Variants in PCCA observed in about 807,000 individuals in gnomAD.
The protein encoded by PCCA is propionyl-CoA carboxylase alpha chain, mitochondrial.
Under a neutral mutation model 101.3 loss-of-function variants are expected in PCCA, and 74 were observed. The ratio of observed to expected loss-of-function variants is 0.73; its 90% CI spans 0.61 to 0.89. The LOEUF (loss-of-function observed/expected upper bound fraction) is 0.89, where lower values mean the gene tolerates loss of function less well. PCCA is among the 40% of genes least tolerant of loss of function. The pLI, the probability that PCCA is intolerant of heterozygous loss-of-function variation, is 0.00. For synonymous variants in PCCA, 294 were observed against 313.6 expected (o/e 0.94, Z 0.66); for missense variants, 891 against 907.0 (o/e 0.98, Z 0.23).
intron 7 of PCCA, among the ~76,000 whole-genome samples, chr13:100,229,115 T>C (rs968893786): frequency 1.3e-5 from 2 of 152,076 alleles, no homozygotes; most frequent in Non-Finnish European, 2.9e-5. Flanking sequence ...ACTTAAAAAT[T>C]ATGGAGTAGA....
At chr13:100,362,786 C>G (rs767847949) in intron 18 of PCCA, among the ~76,000 whole-genome samples, 11 of 152,128 alleles carry the variant, frequency 7.2e-5, no homozygotes, top group Non-Finnish European at 1.2e-4. Context: ...TGGGGGTGTT[C>G]CCTGTTTCTC....
intron 1 of PCCA, among the ~76,000 whole-genome samples, chr13:100,097,894 T>C (rs2046918971): frequency 6.6e-6 from 1 of 152,070 alleles, no homozygotes. Flanking sequence ...CATGGTGACA[T>C]GCATCCATAG....
At chr13:100,507,285 A>C (rs986903026) in intron 21 of PCCA, among the ~76,000 whole-genome samples, 3 of 152,210 alleles carry the variant, frequency 2.0e-5, no homozygotes. Context: ...TGGCATATGC[A>C]CCTACTTGTT....
intron 6 of PCCA, among the ~76,000 whole-genome samples, chr13:100,171,297 C>G (rs1037141944): frequency 3.3e-5 from 5 of 152,088 alleles, no homozygotes; most frequent in Non-Finnish European, 5.9e-5. Context: ...CATGTATAAG[C>G]CAAAGCTCCT....
At chr13:100,111,465 C>G (rs2048316924) in intron 2 of PCCA, among the ~76,000 whole-genome samples, 1 of 152,000 alleles carries the variant, frequency 6.6e-6, no homozygotes, top group South Asian at 2.1e-4. Flanking sequence ...CCGGGCTTGA[C>G]CAAAGTCTTT....
At chr13:100,271,468 A>G (rs2063311123) in intron 11 of PCCA, among the ~76,000 whole-genome samples, 1 of 152,114 alleles carries the variant, frequency 6.6e-6, no homozygotes, top group African/African-American at 2.4e-5. Flanking sequence ...GAAATGTAAT[A>G]TGAATGTTAA....
intron 21 of PCCA, among the ~76,000 whole-genome samples, chr13:100,475,451 G>A (rs1057417460): frequency 6.6e-6 from 1 of 152,042 alleles, no homozygotes. Flanking sequence ...CTTACATACT[G>A]GTATCCACAT....
chr13:100,411,474 T>C lies in PCCA; in HGVS notation c.1747-14159T>C, dbSNP rs532791925. Among the ~76,000 whole-genome samples the C allele has an allele frequency of 7.2e-5, 11 of 152,312 alleles. No homozygotes were observed. In the South Asian group the frequency reaches 2.3e-3, roughly 32 times the overall value. ...GATGCTGAAAAAAGCACAACATTACTTCTGTGGTATTCCAGATAAAAATAC... is the reference window on the plus strand; with the variant it reads ...GATGCTGAAAAAAGCACAACATTACCTCTGTGGTATTCCAGATAAAAATAC... On this transcript the variant is annotated intron_variant, in intron 19 of 23. Transcript: ENST00000376285.
At chr13:100,102,427 G>A (rs2047362475) in intron 1 of PCCA, among the ~76,000 whole-genome samples, 1 of 152,164 alleles carries the variant, frequency 6.6e-6, no homozygotes, top group Non-Finnish European at 1.5e-5. Flanking sequence ...AACCACTTCT[G>A]TACCAGAAAA....
chr13:100,202,658 G>C (rs1441289409), intron 6 of PCCA, among the ~76,000 whole-genome samples: 2 of 148,690 alleles, frequency 1.3e-5, no homozygotes, highest in East Asian at 2.0e-4. Flanking sequence ...TTTTGCTTTG[G>C]TTCTCTTCAA....
At chr13:100,486,383 C>T (rs909755447) in intron 21 of PCCA, among the ~76,000 whole-genome samples, 1 of 152,222 alleles carries the variant, frequency 6.6e-6, no homozygotes, top group Non-Finnish European at 1.5e-5. Flanking sequence ...ATGTCAGTAA[C>T]ATTCACCACC....
At chr13:100,116,442 G>A (rs1239831837) in intron 4 of PCCA, among the ~76,000 whole-genome samples, 1 of 152,172 alleles carries the variant, frequency 6.6e-6, no homozygotes, top group African/African-American at 2.4e-5. Flanking sequence ...AGGAAAGCCA[G>A]CTAACTTGCA....
At chr13:100,376,337 C>T (rs945254624) in intron 19 of PCCA, among the ~76,000 whole-genome samples, 1 of 152,204 alleles carries the variant, frequency 6.6e-6, no homozygotes, top group Non-Finnish European at 1.5e-5. Context: ...AAGGGACCCA[C>T]TTGAGGAGGC....
intron 4 of PCCA, 102 bp downstream of exon 4, chr13:100,112,163 C>A: frequency 2.1e-5 from 16 of 780,276 alleles, no homozygotes; most frequent in East Asian, 2.8e-5. Context: ...AAGATACATT[C>A]AAGTTTAAAA....
chr13:100,226,904 C>T (rs1237178142), intron 7 of PCCA, among the ~76,000 whole-genome samples: 1 of 152,162 alleles, frequency 6.6e-6, no homozygotes, highest in African/African-American at 2.4e-5. Flanking sequence ...TTATTATGTC[C>T]ATTTTACAGA....
chr13:100,118,496 A>G (rs554595079), intron 4 of PCCA, among the ~76,000 whole-genome samples: 2 of 152,192 alleles, frequency 1.3e-5, no homozygotes, highest in South Asian at 4.1e-4. Context: ...CTATTTTCTC[A>G]TGAATAGATT....
At chr13:100,500,094 GA>G (rs1262517742) in intron 21 of PCCA, among the ~76,000 whole-genome samples, 2 of 152,078 alleles carry the variant, frequency 1.3e-5, no homozygotes, top group African/African-American at 2.4e-5. Context: ...TACCACCCAG[GA>G]AAAAAGCTAA....
intron 21 of PCCA, among the ~76,000 whole-genome samples, chr13:100,472,146 C>T (rs1038069896): frequency 6.6e-5 from 10 of 152,178 alleles, no homozygotes; most frequent in African/African-American, 1.7e-4. Flanking sequence ...CGGCTCCACC[C>T]GTCCTTCCAA....
chr13:100,119,457 C>G (rs1243766859), intron 4 of PCCA, among the ~76,000 whole-genome samples: 2 of 152,130 alleles, frequency 1.3e-5, no homozygotes, highest in African/African-American at 2.4e-5. Context: ...CAGGGTATCA[C>G]TCATCTGGGA....
Sources: allele counts gnomAD v4.1 joint callset (sites outside exome capture counted in the v4.1 genomes callset), GRCh38; gene constraint gnomAD v4.1.1; transcripts MANE v1.5; gene names NCBI Gene and HGNC (gene_info 2026-07-23, HGNC 2026-07-21).